The following USP50 variants were observed in gnomAD, a reference collection of about 807,000 sequenced individuals.
USP50 encodes the protein ubiquitin specific peptidase 50, also known as ubiquitin carboxyl-terminal hydrolase 50.
In USP50, 37 loss-of-function variants were observed where a neutral mutation model predicts 39.2. The ratio of observed to expected loss-of-function variants is 0.94; its 90% CI spans 0.73 to 1.24. The LOEUF is 1.24. Among genes scored for constraint, USP50 ranks in the 50% most tolerant of loss-of-function variants. USP50 has a pLI of 0.00. For missense variants in USP50, 374 were observed against 398.2 expected, an observed-to-expected ratio of 0.94 and a Z score of 0.52; for synonymous variants, 139 against 144.5, an observed-to-expected ratio of 0.96 and a Z score of 0.27.
At chr15:50,506,193 A>G (rs1423981224) in intron 6 of USP50, 1 of 152,440 alleles carries the variant, frequency 6.6e-6, no homozygotes, top group Non-Finnish European at 1.5e-5. Flanking sequence ...CAACAGGGGA[A>G]AACAACACAG....
In USP50 at chr15:50,529,941, A is replaced by C. The variant is rs1287606922; in HGVS notation, c.804-12T>G. 4 of 1,612,448 alleles carry C rather than the reference A, an allele frequency of 2.5e-6. No homozygotes were observed. The highest frequency in any genetic ancestry group is 3.4e-6 in the Non-Finnish European group (4 of 1,179,518). The stretch of plus-strand genomic sequence containing the variant: ...CCTGAATGTCAAACCTGCAGGTATA[A>C]TAAATGTGTGAAATACAAAGTAAGC... On this transcript the variant is annotated splice_polypyrimidine_tract_variant and intron_variant, in intron 5 of 6. Transcript: ENST00000532404.
rs554116052 is a variant in USP50, at chr15:50,544,612, C to T, written c.223G>A (p.Gly75Arg). ...TTTTGCAGAGCGGTGATATACTTCC[C>T]GGTGAGAAAGTATTCCACCAGCGGC... ...ILPLVEYFLT[G>R]KYITALQNDC... Residue 75 changes from glycine (G) to arginine (R), a missense_variant, in exon 2 of 7, where the codon GGG becomes AGG. Coordinates refer to ENST00000532404, the MANE Select transcript of USP50 (RefSeq NM_203494.5). The T allele has an allele frequency of 2.0e-5, 33 of 1,613,460 alleles. 1 individual carries two copies. The South Asian group carries it at 2.3e-4, about 11-fold the overall frequency.
At chr15:50,516,926 T>C (rs1487544336) in intron 6 of USP50, among the ~76,000 whole-genome samples, 1 of 151,970 alleles carries the variant, frequency 6.6e-6, no homozygotes, top group African/African-American at 2.4e-5. Context: ...TATAAAGCAA[T>C]TACTAATTAA....
At chr15:50,524,195 C>CA (rs2052871357) in intron 6 of USP50, among the ~76,000 whole-genome samples, 1 of 152,226 alleles carries the variant, frequency 6.6e-6, no homozygotes, top group Non-Finnish European at 1.5e-5. Context: ...GGAGACGCTA[C>CA]ACAGCGTTGG....
intron 6 of USP50, chr15:50,513,137 T>C (rs771351703): frequency 6.6e-6 from 1 of 152,214 alleles, no homozygotes; most frequent in Non-Finnish European, 1.5e-5. Flanking sequence ...GGTAGGGGTA[T>C]GTATTGGTAT....
At chr15:50,517,670 A>G (rs549440867) in intron 6 of USP50, among the ~76,000 whole-genome samples, 1 of 152,320 alleles carries the variant, frequency 6.6e-6, no homozygotes, top group African/African-American at 2.4e-5. Flanking sequence ...ACACATGAAA[A>G]TGGAGACATA....
chr15:50,545,371 G>C (rs1333980512), intron 1 of USP50, among the ~76,000 whole-genome samples: 1 of 151,872 alleles, frequency 6.6e-6, no homozygotes, highest in Non-Finnish European at 1.5e-5. Context: ...TTACAGATGA[G>C]ATGTCAGGTT....
At chr15:50,533,792 G>A (rs951920792) in intron 5 of USP50, among the ~76,000 whole-genome samples, 1 of 152,170 alleles carries the variant, frequency 6.6e-6, no homozygotes. Context: ...CTTGAGGTCA[G>A]GAGTTCAAAA....
chr15:50,497,002 C>A, downstream of USP50: 2 of 1,479,792 alleles, frequency 1.4e-6, no homozygotes, highest in Non-Finnish European at 1.8e-6. Context: ...TCACTGGTGC[C>A]TGCAGAGTGA....
chr15:50,516,765 A>G (rs2052807104), intron 6 of USP50, among the ~76,000 whole-genome samples: 1 of 151,944 alleles, frequency 6.6e-6, no homozygotes. Flanking sequence ...ATATATATAT[A>G]TATATATACA....
chr15:50,493,821 C>G (rs540452928), downstream of USP50: 2 of 633,460 alleles, frequency 3.2e-6, no homozygotes, highest in Non-Finnish European at 5.8e-6. Flanking sequence ...CAGAACCTCG[C>G]TGTCATGAAC....
chr15:50,513,001 TAAG>T (rs1348796160), intron 6 of USP50: 1 of 151,964 alleles, frequency 6.6e-6, no homozygotes, highest in Non-Finnish European at 1.5e-5. Flanking sequence ...TTCCAATCAA[TAAG>T]AAGAAAAATA....
intron 6 of USP50, chr15:50,507,561 G>A (rs541875051): frequency 6.6e-6 from 1 of 152,194 alleles, no homozygotes; most frequent in South Asian, 2.1e-4. Flanking sequence ...CACCCAAATT[G>A]TATAATTTGA....
Position 50,495,486 on chromosome 15 carries a change from A to C in USP50, n.185-1356T>G, listed in dbSNP as rs3784300. The stretch of plus-strand genomic sequence containing the variant: ...TTTTTCTTTTTTTAGTAGAGATTGG[A>C]GGGGGGGGTCTCACTATGTTGCACA... On this transcript the variant is annotated intron_variant and non_coding_transcript_variant, in intron 1 of 1. Transcript: ENST00000560159. Among the ~76,000 whole-genome samples, 28 of 106,838 alleles carry C rather than the reference A, an allele frequency of 2.6e-4. 1 individual carries two copies. Among genetic ancestry groups the C allele is most frequent in the East Asian group, 4.2e-4 (2 of 4,788 alleles). 70.1% of individuals were successfully genotyped at this position (106,838 alleles called of 152,430 possible).
chr15:50,535,469 T>A (rs1162312759), intron 5 of USP50, among the ~76,000 whole-genome samples: 1 of 152,160 alleles, frequency 6.6e-6, no homozygotes, highest in Non-Finnish European at 1.5e-5. Context: ...TTTAACAAAT[T>A]TAAAATAATA....
downstream of USP50, chr15:50,497,366 G>A: frequency 8.9e-7 from 1 of 1,117,370 alleles, no homozygotes; most frequent in Non-Finnish European, 1.2e-6. Context: ...GTAGATCTAG[G>A]GAAATAAAGC....
intron 6 of USP50, among the ~76,000 whole-genome samples, chr15:50,525,603 T>C (rs1431077683): frequency 7.1e-6 from 1 of 140,318 alleles, no homozygotes; most frequent in African/African-American, 2.6e-5. Flanking sequence ...TATATATGTA[T>C]ATGTATATAT....
At chr15:50,497,345 A>T, downstream of USP50, 1 of 1,329,868 alleles carries the variant, frequency 7.5e-7, no homozygotes, top group Non-Finnish European at 1.0e-6. Flanking sequence ...AAGGGCGATT[A>T]TCTGGTTACA....
rs992564554 is a variant in USP50, at chr15:50,523,250, C to T, written c.936+6547G>A. 3.7e-4 allele frequency among the ~76,000 whole-genome samples: 54 copies of T among 144,560 alleles called. No homozygotes were observed. In the Admixed American group the frequency reaches 3.9e-3, roughly 10 times the overall value. The allele number at this position is 144,560 out of a possible 152,430, so 94.8% of individuals were successfully genotyped here. ...CTGGAGTGCAGTGGCAAAATCACAG[C>T]TCACTGCAGCCTCAACCTCCTGGGC... On this transcript the variant is annotated intron_variant, in intron 6 of 6. Transcript: ENST00000532404.
Sources: allele counts gnomAD v4.1 joint callset (sites outside exome capture counted in the v4.1 genomes callset), GRCh38; gene constraint gnomAD v4.1.1; transcripts MANE v1.5; gene names NCBI Gene and HGNC (gene_info 2026-07-23, HGNC 2026-07-21).